The following EIPR1 variants were observed in gnomAD, a reference collection of about 807,000 sequenced individuals.
The protein encoded by EIPR1 is EARP complex and GARP complex interacting protein 1, also known as EARP and GARP complex-interacting protein 1.
A neutral mutation model predicts 48.1 loss-of-function variants in EIPR1; 25 were observed. The observed-to-expected ratio is 0.52, with a 90% CI of 0.38 to 0.73. The LOEUF is 0.73. Ranked by LOEUF, EIPR1 falls within the 30% of genes least tolerant of loss-of-function variation. The pLI, the probability that EIPR1 is intolerant of heterozygous loss-of-function variation, is 0.00. For missense variants in EIPR1, 415 were observed against 506.2 expected (o/e 0.82, Z 1.73); for synonymous variants, 204 against 201.9 (o/e 1.01, Z -0.09).
At chr2:3,210,722 C>A (rs989889700) in intron 5 of EIPR1, among the ~76,000 whole-genome samples, 1 of 151,312 alleles carries the variant, frequency 6.6e-6, no homozygotes, top group Non-Finnish European at 1.5e-5. Context: ...CTCCACCTCC[C>A]AGGTTCAAGC....
At chr2:3,349,435 G>A (rs1027567318) in intron 2 of EIPR1, among the ~76,000 whole-genome samples, 5 of 152,206 alleles carry the variant, frequency 3.3e-5, no homozygotes, top group East Asian at 3.9e-4. Flanking sequence ...TGCCAGCACC[G>A]CCCACACAGC....
intron 5 of EIPR1, among the ~76,000 whole-genome samples, chr2:3,209,957 G>A (rs184478025): frequency 6.6e-6 from 1 of 152,296 alleles, no homozygotes; most frequent in Admixed American, 6.5e-5. Flanking sequence ...GAGGACAGGT[G>A]TCAGGACACA....
At chr2:3,239,928 C>T (rs927104668) in intron 4 of EIPR1, among the ~76,000 whole-genome samples, 2 of 152,206 alleles carry the variant, frequency 1.3e-5, no homozygotes, top group Non-Finnish European at 2.9e-5. Flanking sequence ...TGATGTGAAA[C>T]TAGAACACTG....
chr2:3,290,213 G>C (rs568633319), intron 3 of EIPR1, among the ~76,000 whole-genome samples: 1 of 152,214 alleles, frequency 6.6e-6, no homozygotes, highest in Non-Finnish European at 1.5e-5. Context: ...TCGCTCACCC[G>C]GATGCAGCCC....
chr2:3,236,283 G>T (rs6726853), intron 4 of EIPR1, among the ~76,000 whole-genome samples: 6,208 of 152,264 alleles, frequency 0.041, 145 homozygotes, highest in South Asian at 0.074. Context: ...GGGAAACTGG[G>T]CTCAGAGAGT....
intron 3 of EIPR1, among the ~76,000 whole-genome samples, chr2:3,283,471 C>G (rs1377611038): frequency 6.6e-6 from 1 of 152,250 alleles, no homozygotes; most frequent in Admixed American, 6.5e-5. Context: ...GCTGCCTCCG[C>G]ATTGCCTGCA....
At chr2:3,331,009 CATG>C (rs938398644) in intron 3 of EIPR1, among the ~76,000 whole-genome samples, 4 of 149,552 alleles carry the variant, frequency 2.7e-5, no homozygotes, top group African/African-American at 7.4e-5. Context: ...TGCACACACT[CATG>C]AGGTGGTGTG....
intron 5 of EIPR1, among the ~76,000 whole-genome samples, chr2:3,200,693 C>T (rs1665001353): frequency 6.6e-6 from 1 of 151,906 alleles, no homozygotes; most frequent in African/African-American, 2.4e-5. Flanking sequence ...CCAGAACGCA[C>T]AAGCACGTGT....
intron 3 of EIPR1, chr2:3,319,705 A>ACAACACCACCCCTGCG (rs1558295774): frequency 6.4e-6 from 1 of 156,014 alleles, no homozygotes. Flanking sequence ...CCACCCCTGC[A>ACAACACCACCCCTGCG]GGCAACACCA....
rs545022628 is a variant in EIPR1, at chr2:3,269,798, C to T, written c.260-12343G>A. Among the ~76,000 whole-genome samples the T allele has an allele frequency of 2.8e-4, 42 of 152,370 alleles. 1 individual carries two copies. In the South Asian group the frequency reaches 6.4e-3, roughly 23 times the overall value. The stretch of plus-strand genomic sequence containing the variant: ...AAACAAAATTGTGTTCAAGCAGGTC[C>T]TGAGGCACAGGCAGATGGCACAACT... On this transcript the variant is annotated intron_variant, in intron 3 of 8. Coordinates refer to ENST00000382125, the MANE Select transcript of EIPR1 (RefSeq NM_003310.5).
chr2:3,218,237 C>T (rs1665715478), intron 4 of EIPR1, among the ~76,000 whole-genome samples: 1 of 149,842 alleles, frequency 6.7e-6, no homozygotes, highest in Admixed American at 6.6e-5. Flanking sequence ...CTCAACACGA[C>T]CCTGATATGC....
chr2:3,365,502 T>A (rs1670950535), intron 1 of EIPR1, among the ~76,000 whole-genome samples: 1 of 151,788 alleles, frequency 6.6e-6, no homozygotes, highest in Non-Finnish European at 1.5e-5. Context: ...TTTAATTTAT[T>A]TTTATTGATC....
intron 3 of EIPR1, among the ~76,000 whole-genome samples, chr2:3,325,907 C>T (rs12611865): frequency 0.21 from 31,364 of 152,258 alleles, 5,085 homozygotes; most frequent in East Asian, 0.58. Context: ...GGTGCTGTGC[C>T]CTGCTTAAGA....
chr2:3,195,941 CTT>C (rs1318542699), intron 6 of EIPR1, among the ~76,000 whole-genome samples: 2 of 152,218 alleles, frequency 1.3e-5, no homozygotes. Context: ...TAACGTCAGT[CTT>C]TGAGTTTCTT....
chr2:3,191,047 T>C (rs1572270013), intron 8 of EIPR1, among the ~76,000 whole-genome samples: 2 of 152,222 alleles, frequency 1.3e-5, no homozygotes, highest in Non-Finnish European at 2.9e-5. Flanking sequence ...TGAGCCATGA[T>C]CGTGCCACTG....
intron 3 of EIPR1, chr2:3,261,989 G>A (rs1412630740): frequency 6.6e-6 from 1 of 152,196 alleles, no homozygotes; most frequent in African/African-American, 2.4e-5. Flanking sequence ...AAGCTAATGG[G>A]CCCTGGAGAA....
chr2:3,348,957 C>T (rs1450513252), intron 2 of EIPR1, among the ~76,000 whole-genome samples: 1 of 152,212 alleles, frequency 6.6e-6, no homozygotes, highest in Admixed American at 6.5e-5. Flanking sequence ...TGCGCACAGG[C>T]GGGCTGCTCG....
At chr2:3,341,095 C>CAAAAAA (rs55667121) in intron 2 of EIPR1, among the ~76,000 whole-genome samples, 101 of 22,094 alleles carry the variant, frequency 4.6e-3, no homozygotes, top group African/African-American at 7.0e-3. Context: ...GATCCTGTCT[C>CAAAAAA]AAAAAAAAAA....
chr2:3,367,578 T>C (rs60497115), intron 1 of EIPR1, among the ~76,000 whole-genome samples: 24,597 of 152,190 alleles, frequency 0.16, 2,219 homozygotes, highest in Non-Finnish European at 0.2. Context: ...TTTCAGTAAA[T>C]GACTCGTAAA....
Sources: allele counts gnomAD v4.1 joint callset (sites outside exome capture counted in the v4.1 genomes callset), GRCh38; gene constraint gnomAD v4.1.1; transcripts MANE v1.5; gene names NCBI Gene and HGNC (gene_info 2026-07-23, HGNC 2026-07-21).